Variants in TFB1M observed in about 807,000 individuals in gnomAD.
The protein encoded by TFB1M is dimethyladenosine transferase 1, mitochondrial.
TFB1M carries 27 observed loss-of-function variants against 31.1 expected under a neutral mutation model. The ratio of observed to expected loss-of-function variants is 0.87; its 90% CI spans 0.64 to 1.20. TFB1M has a LOEUF of 1.20. Among genes scored for constraint, TFB1M ranks in the 50% most tolerant of loss-of-function variants. TFB1M has a pLI of 0.00. For synonymous variants in TFB1M, 166 were observed against 151.8 expected (o/e 1.09, Z -0.69); for missense variants, 394 against 418.7 (o/e 0.94, Z 0.51).
chr6:155,305,094 A>G (rs1279276851), intron 2 of TFB1M, among the ~76,000 whole-genome samples: 2 of 130,902 alleles, frequency 1.5e-5, no homozygotes. Context: ...AAATAATTTT[A>G]TATTATTTAT....
chr6:155,263,572 G>C (rs1784487977), intron 5 of TFB1M, among the ~76,000 whole-genome samples: 1 of 152,190 alleles, frequency 6.6e-6, no homozygotes, highest in African/African-American at 2.4e-5. Flanking sequence ...AGGGTGTCTA[G>C]GACGTGACTG....
Position 155,311,198 on chromosome 6 carries a change from G to A in TFB1M, c.275C>T (p.Pro92Leu). 6.2e-7 allele frequency: 1 copy of A among 1,613,966 alleles called. No homozygotes were observed. Among genetic ancestry groups the A allele is most frequent in the Non-Finnish European group, 8.5e-7 (1 of 1,179,904 alleles). ...LVVEKDTRFI[P>L]GLQMLSDAAP... ...CTTTAAGCATCTCACCTGTAATCCA[G>A]GAATAAATCGAGTGTCCTTTTCAAC... is the stretch of plus-strand genomic sequence containing the variant. The change falls in exon 2 of 7, where the codon CCT (proline) becomes CTT (leucine). Residue 92 changes from proline to leucine, a missense_variant. Transcript: ENST00000367166.
At chr6:155,260,754 G>A (rs1279512156) in intron 5 of TFB1M, 3 of 345,874 alleles carry the variant, frequency 8.7e-6, no homozygotes, top group African/African-American at 4.3e-5. Context: ...GTTTTTGAAT[G>A]AGGAAAAAAA....
chr6:155,295,834 A>G (rs1438812250), intron 4 of TFB1M, among the ~76,000 whole-genome samples: 1 of 152,222 alleles, frequency 6.6e-6, no homozygotes, highest in African/African-American at 2.4e-5. Context: ...TGTCTTAGGT[A>G]TTACAAATAA....
chr6:155,314,036 C>T, intron 1 of TFB1M: 2 of 1,308,990 alleles, frequency 1.5e-6, no homozygotes, highest in Admixed American at 3.0e-5. Flanking sequence ...ACCCTTCCTC[C>T]CCTAGGGAGC....
intron 4 of TFB1M, among the ~76,000 whole-genome samples, chr6:155,290,104 G>T (rs1165426368): frequency 6.6e-6 from 1 of 152,066 alleles, no homozygotes; most frequent in African/African-American, 2.4e-5. Context: ...ACTAACATAG[G>T]GGCTGGGCGT....
intron 2 of TFB1M, among the ~76,000 whole-genome samples, chr6:155,307,933 A>G (rs1473160594): frequency 1.3e-5 from 2 of 152,098 alleles, no homozygotes. Context: ...ATGAGAGGAA[A>G]TCTGTACTAC....
chr6:155,272,572 T>C (rs764770323), intron 5 of TFB1M, among the ~76,000 whole-genome samples: 1 of 151,792 alleles, frequency 6.6e-6, no homozygotes, highest in Admixed American at 6.6e-5. Context: ...CTCTACGAGA[T>C]AGAAATTTTG....
rs1256863908 is a variant in TFB1M at position 155,287,564 on chromosome 6, GTGTGTGTGTGTA to G, written c.547-2299_547-2288del. ...TCATTTACTCTGAGTGTGTGTGTGT[GTGTGTGTGTGTA>G]TGTGTGTGTGGTGTATTTATCTGCA... On this transcript the variant is annotated intron_variant, in intron 4 of 6. Transcript: ENST00000367166. 7.2e-5 allele frequency among the ~76,000 whole-genome samples: 11 copies of G among 151,734 alleles called. No homozygotes were observed. In the South Asian group the frequency reaches 1.7e-3, roughly 23 times the overall value.
At position 155,256,249 on chromosome 6, in the gene TFB1M, T is replaced by C; in HGVS notation, c.*1587A>G. The C allele has an allele frequency of 6.5e-6, 4 of 615,086 alleles. No individual in the cohort carries two copies. Among genetic ancestry groups the C allele is most frequent in the Non-Finnish European group, 1.1e-5 (4 of 352,534 alleles). 38.1% of individuals were successfully genotyped at this position (615,086 alleles called of 1,614,324 possible). A position where few individuals can be genotyped will look rare whatever the true frequency, so the allele number is the denominator to read the frequency against. On this transcript the variant is annotated 3_prime_UTR_variant, in exon 7 of 7. Transcript: ENST00000367166. ...TAGTGTCTAGTTCTATTTACATAAT[T>C]GAGCTCTGGTAATCTAAAAATGCTG...
intron 2 of TFB1M, among the ~76,000 whole-genome samples, chr6:155,300,760 A>G (rs1777388899): frequency 6.6e-6 from 1 of 152,094 alleles, no homozygotes; most frequent in African/African-American, 2.4e-5. Flanking sequence ...CTAATATAAT[A>G]TAAATAAATT....
intron 5 of TFB1M, among the ~76,000 whole-genome samples, chr6:155,269,638 A>C (rs2114694822): frequency 6.6e-6 from 1 of 152,152 alleles, no homozygotes; most frequent in South Asian, 2.1e-4. Flanking sequence ...CTTGTCTATA[A>C]AATTCTTCTT....
chr6:155,245,677 C>T, the TFB1M span: 1 of 1,613,724 alleles, frequency 6.2e-7, no homozygotes, highest in Non-Finnish European at 8.5e-7. Context: ...CCACTTTAAA[C>T]TGTACAGTGG....
the TFB1M span, among the ~76,000 whole-genome samples, chr6:155,246,258 C>T: frequency 1.3e-5 from 2 of 152,136 alleles, no homozygotes; most frequent in Non-Finnish European, 2.9e-5. Flanking sequence ...GAGGTTTATC[C>T]TGACGCCCTT....
At chr6:155,271,367 C>T (rs898236486) in intron 5 of TFB1M, among the ~76,000 whole-genome samples, 1 of 152,130 alleles carries the variant, frequency 6.6e-6, no homozygotes, top group African/African-American at 2.4e-5. Flanking sequence ...TGTGTCTCAT[C>T]ACATCATTTT....
chr6:155,310,540 C>A (rs901449137), intron 2 of TFB1M, among the ~76,000 whole-genome samples: 1 of 152,198 alleles, frequency 6.6e-6, no homozygotes. Flanking sequence ...TACACTCTTA[C>A]CCAGGGCCTC....
At chr6:155,310,411 C>A (rs1200715412) in intron 2 of TFB1M, among the ~76,000 whole-genome samples, 4 of 152,162 alleles carry the variant, frequency 2.6e-5, no homozygotes, top group South Asian at 2.1e-4. Flanking sequence ...TAAGTTCCTC[C>A]TTATTTCAAA....
chr6:155,302,269 C>G (rs1777463138), intron 2 of TFB1M, among the ~76,000 whole-genome samples: 1 of 152,130 alleles, frequency 6.6e-6, no homozygotes. Flanking sequence ...CCTGATTTGC[C>G]ACATAGTAGG....
intron 5 of TFB1M, among the ~76,000 whole-genome samples, chr6:155,267,218 A>T (rs1269654480): frequency 4.6e-5 from 7 of 152,060 alleles, no homozygotes; most frequent in Non-Finnish European, 8.8e-5. Context: ...CAAGCAATCC[A>T]CCTGCCTTGG....
Sources: gnomAD v4.1 joint callset for allele counts (sites outside exome capture counted in the v4.1 genomes callset) on GRCh38, gnomAD v4.1.1 for gene constraint, MANE v1.5 for transcripts, NCBI Gene and HGNC (gene_info 2026-07-23, HGNC 2026-07-21) for gene names.